PLEKHA5: variants seen among roughly 807,000 people sequenced by gnomAD.
PLEKHA5 encodes pleckstrin homology domain containing A5.
A neutral mutation model predicts 181.9 loss-of-function variants in PLEKHA5; 55 were observed. That is an observed-to-expected ratio of 0.30 (90% CI 0.24 to 0.38). The LOEUF is 0.38. PLEKHA5 is among the 10% of genes least tolerant of loss of function. The pLI is 1.00. For missense variants in PLEKHA5, 1,432 were observed against 1,549.5 expected (o/e 0.92, Z 1.27); for synonymous variants, 535 against 529.4 (o/e 1.01, Z -0.15).
chr12:19,173,315 G>A (rs553882775), intron 3 of PLEKHA5, among the ~76,000 whole-genome samples: 24 of 152,098 alleles, frequency 1.6e-4, no homozygotes, highest in East Asian at 3.9e-4. Flanking sequence ...GAGCCACCGC[G>A]CCCGGCCCTT....
intron 11 of PLEKHA5, among the ~76,000 whole-genome samples, chr12:19,279,081 T>G (rs1018534465): frequency 2.6e-5 from 4 of 152,174 alleles, no homozygotes; most frequent in Non-Finnish European, 5.9e-5. Flanking sequence ...CCAGTTTCAG[T>G]TGGCCATTGG....
chr12:19,242,105 T>C (rs2062733881), intron 3 of PLEKHA5, among the ~76,000 whole-genome samples: 2 of 152,248 alleles, frequency 1.3e-5, no homozygotes, highest in African/African-American at 2.4e-5. Flanking sequence ...GTAACTCTGC[T>C]GTAATACTCG....
At chr12:19,322,243 G>T in intron 18 of PLEKHA5, 67 bp from the exon 19 acceptor site, 1 of 920,374 alleles carries the variant, frequency 1.1e-6, no homozygotes, top group South Asian at 1.4e-5. Flanking sequence ...GTCATATAAT[G>T]ACTGCCTACC....
At chr12:19,280,672 A>G (rs971741559) in intron 11 of PLEKHA5, among the ~76,000 whole-genome samples, 9 of 152,078 alleles carry the variant, frequency 5.9e-5, no homozygotes, top group Admixed American at 1.3e-4. Context: ...ATATTAGGAT[A>G]TAAATTTATG....
intron 3 of PLEKHA5, among the ~76,000 whole-genome samples, chr12:19,156,351 G>A (rs761956148): frequency 1.2e-4 from 19 of 152,022 alleles, no homozygotes; most frequent in Middle Eastern, 3.4e-3. Context: ...ATTTTATGGA[G>A]TATTTCTCAG....
At chr12:19,170,494 T>A (rs1054901385) in intron 3 of PLEKHA5, among the ~76,000 whole-genome samples, 1 of 151,744 alleles carries the variant, frequency 6.6e-6, no homozygotes, top group Non-Finnish European at 1.5e-5. Flanking sequence ...CGGCACAATT[T>A]CCACTCCTGC....
At chr12:19,289,723 T>C (rs1193829441) in intron 13 of PLEKHA5, among the ~76,000 whole-genome samples, 1 of 152,278 alleles carries the variant, frequency 6.6e-6, no homozygotes, top group East Asian at 1.9e-4. Flanking sequence ...AAAGGTTCTC[T>C]TCTTTTCCCA....
At chr12:19,266,127 G>C (rs2070277056) in intron 8 of PLEKHA5, among the ~76,000 whole-genome samples, 1 of 152,050 alleles carries the variant, frequency 6.6e-6, no homozygotes, top group Non-Finnish European at 1.5e-5. Flanking sequence ...ATATAATTAT[G>C]GATGTCCTGG....
At chr12:19,197,771 C>G (rs1592029314) in intron 3 of PLEKHA5, among the ~76,000 whole-genome samples, 1 of 150,778 alleles carries the variant, frequency 6.6e-6, no homozygotes, top group South Asian at 2.1e-4. Flanking sequence ...TCTTTTTACA[C>G]CGTATGCCAG....
At chr12:19,205,906 A>G (rs1565465055) in intron 3 of PLEKHA5, among the ~76,000 whole-genome samples, 1 of 152,148 alleles carries the variant, frequency 6.6e-6, no homozygotes. Context: ...GATAGGGTAT[A>G]TTACAGTAAT....
rs755755582 is a variant in PLEKHA5 at position 19,320,607 on chromosome 12, G to A, written c.2200G>A (p.Glu734Lys). 1 of 1,488,828 alleles carries A rather than the reference G, an allele frequency of 6.7e-7. No homozygotes were observed. Among genetic ancestry groups the A allele is most frequent in the Non-Finnish European group, 9.3e-7 (1 of 1,074,526 alleles). The allele number at this position is 1,488,828 out of a possible 1,614,324, so 92.2% of individuals were successfully genotyped here. ...AGGCACATTATACAAATACAGACCTGAAGAAGTAGATATTGATGTAAGTAT... is the reference window on the plus strand; with the variant it reads ...AGGCACATTATACAAATACAGACCTAAAGAAGTAGATATTGATGTAAGTAT... ...GRGTLYKYRP[E>K]EVDIDAKLSR... is the part of the protein sequence containing the mutation. Residue 734 changes from glutamate to lysine, a missense_variant, in exon 18 of 32, where the codon GAA becomes AAA. By Grantham distance (56) the Glu-to-Lys change is moderately conservative. This residue lies in a region of PLEKHA5 where 1,143 missense variants were observed against 1,168.4 expected (regional missense o/e 0.98). Transcript: ENST00000429027.
At chr12:19,200,357 A>C in intron 3 of PLEKHA5, 3 of 1,529,490 alleles carry the variant, frequency 2.0e-6, no homozygotes, top group Non-Finnish European at 2.6e-6. Context: ...CTTCCTGGGA[A>C]TAGAAGATGT....
chr12:19,164,874 C>T (rs747539274), intron 3 of PLEKHA5, among the ~76,000 whole-genome samples: 20 of 152,052 alleles, frequency 1.3e-4, no homozygotes, highest in East Asian at 3.9e-4. Flanking sequence ...TTTCTACTTG[C>T]GGATGTCACA....
chr12:19,340,678 T>C (rs1021414123), intron 21 of PLEKHA5, among the ~76,000 whole-genome samples: 1 of 143,864 alleles, frequency 7.0e-6, no homozygotes, highest in African/African-American at 2.5e-5. Context: ...CTCTGAAACA[T>C]GTGCTGTGTC....
chr12:19,269,951 T>G, intron 9 of PLEKHA5, 66 bp downstream of exon 9: 1 of 861,698 alleles, frequency 1.2e-6, no homozygotes, highest in Non-Finnish European at 2.0e-6. Flanking sequence ...TTGCAAGTAT[T>G]TCACTGTCAT....
intron 3 of PLEKHA5, chr12:19,205,506 A>G (rs1358881045): frequency 2.6e-5 from 8 of 308,468 alleles, no homozygotes; most frequent in Non-Finnish European, 3.8e-5. Context: ...TAGCTAGTCT[A>G]TGTATTTACT....
At chr12:19,317,715 A>G (rs962005812) in intron 16 of PLEKHA5, among the ~76,000 whole-genome samples, 12 of 152,200 alleles carry the variant, frequency 7.9e-5, no homozygotes, top group Non-Finnish European at 1.8e-4. Flanking sequence ...TTTATAAAAA[A>G]AAAAAGTATC....
At chr12:19,163,472 C>T (rs189366407) in intron 3 of PLEKHA5, among the ~76,000 whole-genome samples, 1 of 152,256 alleles carries the variant, frequency 6.6e-6, no homozygotes, top group African/African-American at 2.4e-5. Context: ...ACACCCACCG[C>T]GCCCAGCCTG....
intron 3 of PLEKHA5, among the ~76,000 whole-genome samples, chr12:19,215,652 A>C (rs1002590139): frequency 6.6e-6 from 1 of 152,208 alleles, no homozygotes; most frequent in Non-Finnish European, 1.5e-5. Context: ...GACCCCTTTA[A>C]AAATTTTAGC....
Sources: gnomAD v4.1 joint callset for allele counts (sites outside exome capture counted in the v4.1 genomes callset) on GRCh38, gnomAD v4.1.1 for gene constraint, gnomAD v4.1.1 regional missense constraint, MANE v1.5 for transcripts, NCBI Gene and HGNC (gene_info 2026-07-23, HGNC 2026-07-21) for gene names.